COMMD10: variants seen among roughly 807,000 people sequenced by gnomAD.
COMMD10 encodes COMM domain-containing protein 10.
In COMMD10, 33 loss-of-function variants were observed where a neutral mutation model predicts 28.9. The observed-to-expected ratio is 1.14, with a 90% confidence interval of 0.87 to 1.53. The LOEUF (loss-of-function observed/expected upper bound fraction) is 1.53, where lower values mean the gene tolerates loss of function less well. COMMD10 is among the 40% of genes most tolerant of loss of function. COMMD10 has a pLI of 0.00. For missense variants in COMMD10, 310 were observed against 233.4 expected (o/e 1.33, Z -2.14); for synonymous variants, 110 against 81.7 (o/e 1.35, Z -1.87).
intron 5 of COMMD10, among the ~76,000 whole-genome samples, chr5:116,225,157 T>A (rs1030184): frequency 0.61 from 92,799 of 151,596 alleles, 31,521 homozygotes; most frequent in South Asian, 0.77. Flanking sequence ...TGTTGTTTCT[T>A]TTTTTCTCTT....
chr5:116,171,767 G>T (rs111583384), intron 5 of COMMD10, among the ~76,000 whole-genome samples: 257 of 152,232 alleles, frequency 1.7e-3, no homozygotes, highest in African/African-American at 5.9e-3. Flanking sequence ...TCATAAGGGG[G>T]AGTTGAACAG....
chr5:116,220,930 A>G (rs1384569257), intron 5 of COMMD10, among the ~76,000 whole-genome samples: 1 of 152,142 alleles, frequency 6.6e-6, no homozygotes, highest in Non-Finnish European at 1.5e-5. Flanking sequence ...GTTAATCACT[A>G]GGTGAGGCTT....
intron 4 of COMMD10, among the ~76,000 whole-genome samples, chr5:116,093,396 G>C (rs1750363073): frequency 6.6e-6 from 1 of 152,192 alleles, no homozygotes; most frequent in Non-Finnish European, 1.5e-5. Flanking sequence ...GCCTTGCTGG[G>C]ATCAACCAGA....
intron 2 of COMMD10, among the ~76,000 whole-genome samples, chr5:116,089,749 G>A (rs902410436): frequency 7.9e-5 from 12 of 152,182 alleles, no homozygotes; most frequent in African/African-American, 2.7e-4. Context: ...GGCATTTAAT[G>A]TCCAGGGACT....
chr5:116,192,692 A>G (rs534890152), intron 5 of COMMD10, among the ~76,000 whole-genome samples: 20 of 152,366 alleles, frequency 1.3e-4, no homozygotes, highest in African/African-American at 4.8e-4. Context: ...CCTAAGAATA[A>G]TCAGTATTAC....
At chr5:116,187,324 G>C (rs1452425754) in intron 5 of COMMD10, among the ~76,000 whole-genome samples, 1 of 152,086 alleles carries the variant, frequency 6.6e-6, no homozygotes, top group African/African-American at 2.4e-5. Context: ...GATAGCAGTG[G>C]CAGTGTATTT....
At chr5:116,214,324 A>G (rs10069927) in intron 5 of COMMD10, among the ~76,000 whole-genome samples, 48,829 of 152,084 alleles carry the variant, frequency 0.32, 11,086 homozygotes, top group African/African-American at 0.65. Context: ...TTTACTAACT[A>G]CATTAATGAG....
At chr5:116,201,414 C>G (rs527412572) in intron 5 of COMMD10, among the ~76,000 whole-genome samples, 1 of 152,236 alleles carries the variant, frequency 6.6e-6, no homozygotes, top group Admixed American at 6.5e-5. Context: ...TTACAGTTGT[C>G]CACACTGACT....
chr5:116,204,575 G>T (rs935349702), intron 5 of COMMD10, among the ~76,000 whole-genome samples: 1 of 152,220 alleles, frequency 6.6e-6, no homozygotes, highest in Admixed American at 6.5e-5. Context: ...ACAGGCAGAA[G>T]TATAACTGCA....
At chr5:116,110,833 AC>A (rs1751018161) in intron 4 of COMMD10, among the ~76,000 whole-genome samples, 1 of 152,122 alleles carries the variant, frequency 6.6e-6, no homozygotes, top group Non-Finnish European at 1.5e-5. Flanking sequence ...CTTTTAAACC[AC>A]CAGATCTCAA....
At position 116,157,371 on chromosome 5, in the gene COMMD10, G is replaced by T. The variant is rs115741245; in HGVS notation, c.510+23193G>T. ...AGTCTGTAGGTGGGCAAGGCAGTTG[G>T]CTGGCTGGGCTTGGCTGATCCAAGG... On this transcript the variant is annotated intron_variant, in intron 5 of 6. Transcript: ENST00000274458. Among the ~76,000 whole-genome samples, 291 of 152,276 alleles carry T rather than the reference G, an allele frequency of 1.9e-3. 3 individuals carry two copies. Among genetic ancestry groups the T allele is most frequent in the African/African-American group, 6.6e-3 (274 of 41,552 alleles).
At chr5:116,148,196 A>G (rs1452392961) in intron 5 of COMMD10, among the ~76,000 whole-genome samples, 1 of 151,906 alleles carries the variant, frequency 6.6e-6, no homozygotes, top group African/African-American at 2.4e-5. Flanking sequence ...AGTAATTGCT[A>G]AAATATTAGA....
At chr5:116,267,507 A>G (rs1750618712) in intron 5 of COMMD10, among the ~76,000 whole-genome samples, 1 of 151,914 alleles carries the variant, frequency 6.6e-6, no homozygotes, top group Non-Finnish European at 1.5e-5. Flanking sequence ...CAATATCATG[A>G]AAATGGCCAT....
At chr5:116,205,317 C>T (rs1748784361) in intron 5 of COMMD10, among the ~76,000 whole-genome samples, 1 of 152,070 alleles carries the variant, frequency 6.6e-6, no homozygotes, top group African/African-American at 2.4e-5. Flanking sequence ...TCTGCAGTCC[C>T]TCCCTATTTA....
At chr5:116,108,996 C>G (rs112969940) in intron 4 of COMMD10, among the ~76,000 whole-genome samples, 3,194 of 152,268 alleles carry the variant, frequency 0.021, 110 homozygotes, top group African/African-American at 0.074. Flanking sequence ...ATGCCCCACC[C>G]TGCTTCTGCT....
intron 4 of COMMD10, among the ~76,000 whole-genome samples, chr5:116,102,207 C>T (rs953739900): frequency 6.6e-6 from 1 of 152,152 alleles, no homozygotes; most frequent in African/African-American, 2.4e-5. Context: ...ATTGAAGTCT[C>T]TTAATTCATC....
chr5:116,099,149 G>A (rs528216430), intron 4 of COMMD10, among the ~76,000 whole-genome samples: 2 of 152,124 alleles, frequency 1.3e-5, no homozygotes, highest in African/African-American at 4.8e-5. Context: ...CCATCCCCAG[G>A]CAACTACCAT....
intron 5 of COMMD10, among the ~76,000 whole-genome samples, chr5:116,222,368 T>C (rs958973574): frequency 3.9e-5 from 6 of 152,190 alleles, no homozygotes; most frequent in African/African-American, 1.4e-4. Flanking sequence ...ACATGGAATC[T>C]TTTTAGTATG....
chr5:116,292,112 C>G (rs1293684974), intron 6 of COMMD10, among the ~76,000 whole-genome samples: 1 of 151,622 alleles, frequency 6.6e-6, no homozygotes, highest in African/African-American at 2.4e-5. Context: ...TACCCACTCC[C>G]TCATATGTAA....
Sources: gnomAD v4.1 joint callset for allele counts (sites outside exome capture counted in the v4.1 genomes callset) on GRCh38, gnomAD v4.1.1 for gene constraint, MANE v1.5 for transcripts, NCBI Gene and HGNC (gene_info 2026-07-23, HGNC 2026-07-21) for gene names.